KIF13A: variants seen among roughly 807,000 people sequenced by gnomAD.
KIF13A encodes the protein kinesin-like protein KIF13A.
A neutral mutation model predicts 212.2 loss-of-function variants in KIF13A; 79 were observed. The observed-to-expected ratio is 0.37, with a 90% confidence interval of 0.31 to 0.45. The LOEUF is 0.45. KIF13A is among the 20% of genes least tolerant of loss of function. KIF13A has a pLI of 1.00. For synonymous variants in KIF13A, 789 were observed against 808.6 expected (o/e 0.98, Z 0.41); for missense variants, 1,901 against 2,209.0 (o/e 0.86, Z 2.79).
chr6:17,943,611 A>G (rs563176580), intron 2 of KIF13A, among the ~76,000 whole-genome samples: 27 of 152,074 alleles, frequency 1.8e-4, no homozygotes, highest in Non-Finnish European at 3.8e-4. Context: ...AGGTTTCAAG[A>G]GGACTCTGAT....
chr6:17,970,212 G>A (rs1005935124), intron 2 of KIF13A, among the ~76,000 whole-genome samples: 5 of 151,000 alleles, frequency 3.3e-5, no homozygotes, highest in African/African-American at 7.3e-5. Context: ...GTGAGCCACC[G>A]CGCCCGGCCG....
intron 2 of KIF13A, among the ~76,000 whole-genome samples, chr6:17,972,849 A>C (rs1018723126): frequency 2.6e-5 from 4 of 151,958 alleles, no homozygotes; most frequent in African/African-American, 7.2e-5. Context: ...AAAAAAAAAA[A>C]AAAAACAAGG....
At chr6:17,780,963 T>C in intron 30 of KIF13A, 57 bp from the exon 31 acceptor site, 1 of 1,505,860 alleles carries the variant, frequency 6.6e-7, no homozygotes, top group Admixed American at 1.8e-5. Context: ...GATGTAGCAG[T>C]TTTACAGGAC....
intron 2 of KIF13A, among the ~76,000 whole-genome samples, chr6:17,943,400 A>ATTTTTT (rs11311833): frequency 1.1e-4 from 15 of 132,290 alleles, no homozygotes; most frequent in Non-Finnish European, 1.3e-4. Flanking sequence ...TAAAACACAG[A>ATTTTTT]TTTTTTTTTT....
In KIF13A at chr6:17,987,382, A is replaced by G; in HGVS notation, c.55+27T>C. On this transcript the variant is annotated intron_variant, in intron 1 of 38. Coordinates refer to ENST00000259711, the MANE Select transcript of KIF13A (RefSeq NM_022113.6). This position sits in a 1 kb window ranked among gnomAD's most constrained non-coding sequence, Gnocchi z 7.7. ...TGCCCCCGCCCTCAGCCCGAGCAGA[A>G]ATAAAAAAGAGCGGAAAGCTCCTCA... The G allele has an allele frequency of 7.4e-7, 1 of 1,348,180 alleles. No homozygotes were observed. Among genetic ancestry groups the G allele is most frequent in the Non-Finnish European group, 9.8e-7 (1 of 1,020,526 alleles). 83.5% of individuals were successfully genotyped at this position (1,348,180 alleles called of 1,614,324 possible). A position where few individuals can be genotyped will look rare whatever the true frequency, so the allele number is the denominator to read the frequency against.
At chr6:17,824,583 AC>A (rs1764774557) in intron 16 of KIF13A, among the ~76,000 whole-genome samples, 1 of 151,654 alleles carries the variant, frequency 6.6e-6, no homozygotes, top group African/African-American at 2.4e-5. Flanking sequence ...ACACGGTGAA[AC>A]CCCGTCTCTA....
chr6:17,907,466 T>C (rs750185532), intron 2 of KIF13A, among the ~76,000 whole-genome samples: 26 of 151,710 alleles, frequency 1.7e-4, no homozygotes, highest in Non-Finnish European at 3.5e-4. Context: ...ATGTGGTTAA[T>C]AGCATGAATT....
rs1013639272 is a variant in KIF13A, at chr6:17,809,095, C to T, written c.2001-165G>A. Among the ~76,000 whole-genome samples the T allele has an allele frequency of 2.0e-5, 3 of 152,258 alleles. No individual in the cohort carries two copies. The highest frequency in any genetic ancestry group is 4.8e-5 in the African/African-American group (2 of 41,470). The stretch of plus-strand genomic sequence containing the variant: ...TCCTTCCCTCCTGCCCACAGATGGG[C>T]TATCTGTTGAGAACTACTGATGGGA... On this transcript the variant is annotated intron_variant, in intron 17 of 38. Transcript: ENST00000259711. The surrounding 1 kb of genome is among the most constrained non-coding windows in gnomAD (Gnocchi z 4.7).
chr6:17,949,249 G>A (rs1160182394), intron 2 of KIF13A, among the ~76,000 whole-genome samples: 2 of 152,222 alleles, frequency 1.3e-5, no homozygotes, highest in Admixed American at 6.5e-5. Context: ...AAAGTCGCCA[G>A]AGTGTACCAT....
chr6:17,814,971 G>A (rs889632531), intron 17 of KIF13A, among the ~76,000 whole-genome samples: 6 of 152,140 alleles, frequency 3.9e-5, no homozygotes, highest in African/African-American at 4.8e-5. Flanking sequence ...CCACCTAGAC[G>A]CAGAGACCGG....
intron 33 of KIF13A, among the ~76,000 whole-genome samples, chr6:17,778,480 C>G (rs1419459750): frequency 6.6e-6 from 1 of 151,972 alleles, no homozygotes; most frequent in African/African-American, 2.4e-5. Context: ...ACTTGAATGA[C>G]CTGTTGTCAC....
intron 2 of KIF13A, among the ~76,000 whole-genome samples, chr6:17,908,533 G>C (rs1032573586): frequency 6.6e-6 from 1 of 152,178 alleles, no homozygotes; most frequent in African/African-American, 2.4e-5. Flanking sequence ...GAGCCCGGGA[G>C]ATTGAGGCTG....
At chr6:17,917,181 G>A (rs1581725112) in intron 2 of KIF13A, among the ~76,000 whole-genome samples, 1 of 151,578 alleles carries the variant, frequency 6.6e-6, no homozygotes, top group South Asian at 2.1e-4. Flanking sequence ...ACGGGAAGGA[G>A]GAAAACGGAG....
At chr6:17,803,605 CAAT>C (rs1056859155) in intron 20 of KIF13A, among the ~76,000 whole-genome samples, 3 of 152,128 alleles carry the variant, frequency 2.0e-5, no homozygotes, top group Admixed American at 2.0e-4. Context: ...AGGAGGGTAA[CAAT>C]GAGTCATTGA....
intron 4 of KIF13A, among the ~76,000 whole-genome samples, chr6:17,870,732 TTTTC>T (rs1422525387): frequency 3.3e-5 from 5 of 152,062 alleles, no homozygotes; most frequent in Non-Finnish European, 5.9e-5. Context: ...ATCTTCTTAT[TTTTC>T]TTTCTTTCTT....
intron 2 of KIF13A, among the ~76,000 whole-genome samples, chr6:17,938,541 T>C (rs569358049): frequency 1.3e-5 from 2 of 152,300 alleles, no homozygotes; most frequent in South Asian, 2.1e-4. Flanking sequence ...ATTGGGCTTA[T>C]TATATTGCGG....
intron 6 of KIF13A, among the ~76,000 whole-genome samples, chr6:17,852,328 T>C (rs548615020): frequency 9.2e-5 from 14 of 152,200 alleles, no homozygotes; most frequent in South Asian, 2.1e-4. Flanking sequence ...TTGGGGAGGA[T>C]TGGGGGAAAA....
Position 17,763,886 on chromosome 6 carries a change from T to G in KIF13A, c.*224A>C. 7.1e-7 allele frequency: 1 copy of G among 1,405,710 alleles called. No homozygotes were observed. The highest frequency in any genetic ancestry group is 9.2e-7 in the Non-Finnish European group (1 of 1,083,300). The allele number at this position is 1,405,710 out of a possible 1,614,324, so 87.1% of individuals were successfully genotyped here. On this transcript the variant is annotated 3_prime_UTR_variant, in exon 39 of 39. Transcript: ENST00000259711. ...ATCCTTATCCATCTGAACACTTCAT[T>G]CAACACCAACCCATGTGCCAGGTAA... is the stretch of plus-strand genomic sequence containing the variant.
At chr6:17,942,636 A>G (rs1438586178) in intron 2 of KIF13A, among the ~76,000 whole-genome samples, 3 of 152,158 alleles carry the variant, frequency 2.0e-5, no homozygotes. Context: ...ATATAGTCAA[A>G]GTCCTCCTCT....
Sources: allele counts gnomAD v4.1 joint callset (sites outside exome capture counted in the v4.1 genomes callset), GRCh38; gene constraint gnomAD v4.1.1; non-coding constraint Gnocchi (gnomAD v3.1); transcripts MANE v1.5; gene names NCBI Gene and HGNC (gene_info 2026-07-23, HGNC 2026-07-21).